Variants in DZANK1 observed in about 807,000 individuals in gnomAD.
DZANK1 encodes double zinc ribbon and ankyrin repeat-containing protein 1.
A neutral mutation model predicts 94.5 loss-of-function variants in DZANK1; 91 were observed. The observed-to-expected ratio is 0.96, with a 90% CI of 0.81 to 1.15. The LOEUF is 1.15. Among genes scored for constraint, DZANK1 ranks in the 50% most tolerant of loss-of-function variants. The probability of loss-of-function intolerance (pLI) is 0.00; values close to 1 mark genes in which losing one functional copy is unlikely to be tolerated. For missense variants in DZANK1, 903 were observed against 916.4 expected (o/e 0.99, Z 0.19); for synonymous variants, 312 against 325.3 (o/e 0.96, Z 0.44).
Position 18,425,807 on chromosome 20 carries a change from T to C in DZANK1, c.954+1260A>G, listed in dbSNP as rs1338798654. Among the ~76,000 whole-genome samples, 4 of 152,102 alleles carry C rather than the reference T, an allele frequency of 2.6e-5. No individual in the cohort carries two copies. In the East Asian group the frequency reaches 7.7e-4, roughly 29 times the overall value. ...ACACAGGCAGACACAGAGGGAGAGC[T>C]CCACGGGATGGCAAAGGCAGAGACT... is the stretch of plus-strand genomic sequence containing the variant. On this transcript the variant is annotated intron_variant, in intron 10 of 20. Transcript: ENST00000262547.
At chr20:18,408,500 C>T (rs775955080) in intron 13 of DZANK1, among the ~76,000 whole-genome samples, 1 of 152,062 alleles carries the variant, frequency 6.6e-6, no homozygotes, top group African/African-American at 2.4e-5. Context: ...AAGAAAGTAT[C>T]CTAAAAGCAG....
chr20:18,456,648 A>T (rs574850637), intron 3 of DZANK1, among the ~76,000 whole-genome samples: 2 of 152,244 alleles, frequency 1.3e-5, no homozygotes, highest in Admixed American at 1.3e-4. Context: ...TAGAAATTTA[A>T]CATAAATGTA....
chr20:18,432,169 T>G (rs979717829), intron 9 of DZANK1, among the ~76,000 whole-genome samples: 2 of 152,186 alleles, frequency 1.3e-5, no homozygotes, highest in Non-Finnish European at 2.9e-5. Flanking sequence ...TTTCAAATAC[T>G]GAAGATGATA....
At chr20:18,455,265 G>T in exon 4 of DZANK1, 1 of 1,604,466 alleles carries the variant, frequency 6.2e-7, no homozygotes. Context: ...AAGAATCTTT[G>T]AGAACATTTT....
At chr20:18,436,084 G>T (rs2058509827) in intron 8 of DZANK1, among the ~76,000 whole-genome samples, 1 of 152,124 alleles carries the variant, frequency 6.6e-6, no homozygotes, top group Non-Finnish European at 1.5e-5. Context: ...ATCTCTGAGT[G>T]CCTTTACATG....
At chr20:18,383,471 G>A (rs923856844) in exon 21 of DZANK1, 1 of 152,004 alleles carries the variant, frequency 6.6e-6, no homozygotes, top group Non-Finnish European at 1.5e-5. Flanking sequence ...ATTTAAATAA[G>A]GTCAATCTTT....
chr20:18,418,241 G>A (rs899491326), intron 10 of DZANK1, among the ~76,000 whole-genome samples: 3 of 152,122 alleles, frequency 2.0e-5, no homozygotes, highest in South Asian at 2.1e-4. Flanking sequence ...TCTACATAGC[G>A]CATGTGAAGC....
At chr20:18,411,066 A>G (rs1169335082) in intron 13 of DZANK1, among the ~76,000 whole-genome samples, 1 of 152,220 alleles carries the variant, frequency 6.6e-6, no homozygotes, top group Non-Finnish European at 1.5e-5. Context: ...AGATCTCAAA[A>G]TCATCACCCT....
chr20:18,392,599 C>T (rs189830788), intron 17 of DZANK1, among the ~76,000 whole-genome samples: 2 of 152,352 alleles, frequency 1.3e-5, no homozygotes, highest in East Asian at 3.9e-4. Flanking sequence ...AAAGGCAAGG[C>T]TGGGGATGGA....
At chr20:18,464,576 C>T (rs1366238749) in intron 2 of DZANK1, among the ~76,000 whole-genome samples, 1 of 151,830 alleles carries the variant, frequency 6.6e-6, no homozygotes, top group Non-Finnish European at 1.5e-5. Context: ...AAGTCTCCAA[C>T]CTGTCTGACT....
intron 7 of DZANK1, among the ~76,000 whole-genome samples, chr20:18,447,967 G>T (rs911021433): frequency 6.6e-6 from 1 of 152,036 alleles, no homozygotes; most frequent in African/African-American, 2.4e-5. Context: ...TATACATAAT[G>T]ACTTTGGGGT....
chr20:18,406,740 C>A (rs933027600), intron 13 of DZANK1, among the ~76,000 whole-genome samples: 2 of 152,234 alleles, frequency 1.3e-5, no homozygotes, highest in African/African-American at 4.8e-5. Flanking sequence ...AACAAGCAGG[C>A]TCTTGGGGTC....
intron 10 of DZANK1, among the ~76,000 whole-genome samples, chr20:18,425,113 T>C (rs754175215): frequency 6.6e-5 from 10 of 152,228 alleles, no homozygotes; most frequent in Non-Finnish European, 1.0e-4. Context: ...TTAAAATGGC[T>C]ATATATAATT....
At chr20:18,399,683 TA>T (rs1449778496) in intron 13 of DZANK1, among the ~76,000 whole-genome samples, 1 of 152,234 alleles carries the variant, frequency 6.6e-6, no homozygotes, top group Non-Finnish European at 1.5e-5. Flanking sequence ...TGCCACCATT[TA>T]AAACTTGGGA....
chr20:18,436,541 T>C (rs543399082), intron 8 of DZANK1, among the ~76,000 whole-genome samples: 1 of 151,290 alleles, frequency 6.6e-6, no homozygotes, highest in South Asian at 2.1e-4. Context: ...ACAGAAATTA[T>C]CTAATCTGAA....
Position 18,453,839 on chromosome 20 carries a change from G to A in DZANK1, c.379-12C>T. On this transcript the variant is annotated splice_polypyrimidine_tract_variant and intron_variant, in intron 4 of 20. Transcript: ENST00000262547. ...CCATTTTTGAATTCCTAGGAATGAA[G>A]AGATTGCATATCAATCACTTGGTTA... 6.9e-7 allele frequency: 1 copy of A among 1,443,970 alleles called. No homozygotes were observed. Among genetic ancestry groups the A allele is most frequent in the South Asian group, 1.1e-5 (1 of 87,570 alleles). 89.4% of individuals were successfully genotyped at this position (1,443,970 alleles called of 1,614,324 possible). A position where few individuals can be genotyped will look rare whatever the true frequency, so the allele number is the denominator to read the frequency against.
At chr20:18,411,358 C>T (rs2057248090) in intron 13 of DZANK1, among the ~76,000 whole-genome samples, 1 of 152,034 alleles carries the variant, frequency 6.6e-6, no homozygotes, top group South Asian at 2.1e-4. Context: ...AAGAGTATCA[C>T]AAACAACTGT....
chr20:18,414,586 A>T, intron 11 of DZANK1, 74 bp from the exon 12 acceptor site: 1 of 1,492,594 alleles, frequency 6.7e-7, no homozygotes, highest in Admixed American at 2.1e-5. Context: ...ATACCATACA[A>T]ATTAACATAT....
At chr20:18,452,058 T>A in intron 6 of DZANK1, 1 of 341,788 alleles carries the variant, frequency 2.9e-6, no homozygotes, top group South Asian at 2.1e-5. Context: ...ACCGTTAGAA[T>A]CATTTAGGGG....
Sources: gnomAD v4.1 joint callset for allele counts (sites outside exome capture counted in the v4.1 genomes callset) on GRCh38, gnomAD v4.1.1 for gene constraint, MANE v1.5 for transcripts, NCBI Gene and HGNC (gene_info 2026-07-23, HGNC 2026-07-21) for gene names.